NFYC: variants seen among roughly 807,000 people sequenced by gnomAD.
NFYC encodes the protein nuclear transcription factor Y subunit gamma.
A neutral mutation model predicts 53.1 loss-of-function variants in NFYC; 25 were observed. The observed-to-expected ratio is 0.47, with a 90% CI of 0.34 to 0.66. The LOEUF (loss-of-function observed/expected upper bound fraction) is 0.66. NFYC is among the 30% of genes least tolerant of loss of function. The pLI, the probability that NFYC is intolerant of heterozygous loss-of-function variation, is 0.01. For missense variants in NFYC, 260 were observed against 422.7 expected (o/e 0.62, Z 3.38); for synonymous variants, 145 against 152.6 (o/e 0.95, Z 0.37).
intron 1 of NFYC, among the ~76,000 whole-genome samples, chr1:40,725,429 A>G (rs1230208673): frequency 6.6e-6 from 1 of 152,182 alleles, no homozygotes; most frequent in Non-Finnish European, 1.5e-5. Flanking sequence ...AGGTCTTTTA[A>G]TTTCCAGACC....
chr1:40,722,159 A>C (rs1203305547), intron 1 of NFYC, among the ~76,000 whole-genome samples: 1 of 152,042 alleles, frequency 6.6e-6, no homozygotes, highest in Non-Finnish European at 1.5e-5. Flanking sequence ...TGACAGAGTG[A>C]GATTCCATCC....
chr1:40,710,234 TTA>T lies in NFYC; in HGVS notation c.-9+18371_-9+18372del, dbSNP rs550420904. 5.4e-4 allele frequency among the ~76,000 whole-genome samples: 83 copies of T among 152,374 alleles called. 1 individual carries two copies. Among genetic ancestry groups the T allele is most frequent in the African/African-American group, 1.9e-3 (78 of 41,590 alleles). The stretch of plus-strand genomic sequence containing the variant: ...GAATGCTGGTTAGAAATATCTTCAC[TTA>T]TATTGACAGTGATGAGCAAATATTT... On this transcript the variant is annotated intron_variant, in intron 1 of 9. Transcript: ENST00000447388.
chr1:40,764,396 CCT>C (rs1392091230), intron 7 of NFYC, among the ~76,000 whole-genome samples: 1 of 152,174 alleles, frequency 6.6e-6, no homozygotes, highest in Non-Finnish European at 1.5e-5. Context: ...TCTTTCTCTA[CCT>C]CTCTCACGTG....
At position 40,719,371 on chromosome 1, in the gene NFYC, C is replaced by T. The variant is rs549936378; in HGVS notation, c.-8-19465C>T. ...CATAGAATTTAGCCAGGTGATTCCT[C>T]CTATAAGTGGGCAGCTATGAAAACA... On this transcript the variant is annotated intron_variant, in intron 1 of 9. Coordinates refer to ENST00000447388, the MANE Select transcript of NFYC (RefSeq NM_014223.5). Among the ~76,000 whole-genome samples, 115 of 152,328 alleles carry T rather than the reference C, an allele frequency of 7.5e-4. 3 individuals are homozygous for T. The highest frequency in any genetic ancestry group is 7.5e-3 in the South Asian group (36 of 4,828).
chr1:40,695,363 CAT>C (rs1361656542), intron 1 of NFYC, among the ~76,000 whole-genome samples: 1 of 152,204 alleles, frequency 6.6e-6, no homozygotes, highest in Non-Finnish European at 1.5e-5. Flanking sequence ...GAATTGTAAA[CAT>C]ATATGGGCTA....
intron 1 of NFYC, among the ~76,000 whole-genome samples, chr1:40,692,702 C>T (rs201954823): frequency 2.6e-5 from 4 of 151,972 alleles, no homozygotes; most frequent in Admixed American, 1.3e-4. Flanking sequence ...AGTCAACGGA[C>T]CTGGGATGTG....
intron 4 of NFYC, among the ~76,000 whole-genome samples, chr1:40,751,086 TAAC>T (rs1307889490): frequency 6.6e-6 from 1 of 152,180 alleles, no homozygotes; most frequent in Non-Finnish European, 1.5e-5. Context: ...AAAATGCTCT[TAAC>T]AACCTTGTTT....
chr1:40,766,847 C>T, intron 8 of NFYC, 144 bp downstream of exon 8: 3 of 1,518,950 alleles, frequency 2.0e-6, no homozygotes, highest in East Asian at 2.4e-5. Context: ...TATCCTTCTG[C>T]ACCCAAGAGG....
intron 2 of NFYC, among the ~76,000 whole-genome samples, chr1:40,741,557 G>A (rs958075360): frequency 6.6e-6 from 1 of 151,306 alleles, no homozygotes; most frequent in Non-Finnish European, 1.5e-5. Context: ...TAGCATGTCT[G>A]TTGAAGCATG....
At chr1:40,693,836 G>A (rs916909364) in intron 1 of NFYC, among the ~76,000 whole-genome samples, 4 of 152,214 alleles carry the variant, frequency 2.6e-5, no homozygotes, top group Non-Finnish European at 4.4e-5. Context: ...GGTGTTTAGA[G>A]TGTATAAAAT....
At chr1:40,708,738 C>G (rs1643838108) in intron 1 of NFYC, among the ~76,000 whole-genome samples, 1 of 152,310 alleles carries the variant, frequency 6.6e-6, no homozygotes, top group Middle Eastern at 3.4e-3. Context: ...TATTGTATGG[C>G]CATTGGCATC....
At chr1:40,766,563 C>G in intron 7 of NFYC, 33 bp from the exon 8 acceptor site, 1 of 1,521,052 alleles carries the variant, frequency 6.6e-7, no homozygotes, top group East Asian at 2.3e-5. Flanking sequence ...TACTCAATGT[C>G]TTATGGTCTC....
chr1:40,696,855 G>C (rs1188249968), intron 1 of NFYC, among the ~76,000 whole-genome samples: 1 of 152,194 alleles, frequency 6.6e-6, no homozygotes, highest in African/African-American at 2.4e-5. Flanking sequence ...TGTTTATTCA[G>C]TTTTTCATGC....
intron 2 of NFYC, among the ~76,000 whole-genome samples, chr1:40,747,256 A>AC (rs1645659966): frequency 5.3e-5 from 8 of 151,606 alleles, no homozygotes; most frequent in Admixed American, 2.0e-4. Flanking sequence ...AAAAAAAAAA[A>AC]AAACAGATAT....
intron 1 of NFYC, among the ~76,000 whole-genome samples, chr1:40,737,366 T>C (rs1645090054): frequency 6.6e-6 from 1 of 151,298 alleles, no homozygotes; most frequent in Non-Finnish European, 1.5e-5. Flanking sequence ...TCTTGCTCTG[T>C]TGCCCAGGCT....
intron 6 of NFYC, chr1:40,758,533 A>G: frequency 2.4e-6 from 1 of 422,016 alleles, no homozygotes; most frequent in African/African-American, 2.1e-5. Context: ...TATGTTCTCC[A>G]GGATCCCTAT....
intron 7 of NFYC, among the ~76,000 whole-genome samples, chr1:40,764,743 A>C (rs1427333199): frequency 6.6e-6 from 1 of 152,216 alleles, no homozygotes; most frequent in Non-Finnish European, 1.5e-5. Context: ...TTTCCCTTTC[A>C]AAAACCCAGA....
intron 1 of NFYC, among the ~76,000 whole-genome samples, chr1:40,707,654 G>GAA (rs766705987): frequency 1.5e-5 from 2 of 133,494 alleles, no homozygotes; most frequent in African/African-American, 2.7e-5. Flanking sequence ...TTTAAAAAAA[G>GAA]AAAAAAAAAA....
At chr1:40,758,822 G>A (rs1646375327) in intron 6 of NFYC, among the ~76,000 whole-genome samples, 1 of 152,184 alleles carries the variant, frequency 6.6e-6, no homozygotes, top group Non-Finnish European at 1.5e-5. Context: ...TAGCATTCAT[G>A]TTTGTTGGGG....
Sources: gnomAD v4.1 joint callset for allele counts (sites outside exome capture counted in the v4.1 genomes callset) on GRCh38, gnomAD v4.1.1 for gene constraint, MANE v1.5 for transcripts, NCBI Gene and HGNC (gene_info 2026-07-23, HGNC 2026-07-21) for gene names.